The following ANKRD30BL variants were observed in gnomAD, a reference collection of about 807,000 sequenced individuals.
ANKRD30BL encodes putative ankyrin repeat domain-containing protein 30B-like.
Under a neutral mutation model 18.4 loss-of-function variants are expected in ANKRD30BL, and 20 were observed. That is an observed-to-expected ratio of 1.09 (90% confidence interval 0.77 to 1.58). The LOEUF (loss-of-function observed/expected upper bound fraction) is 1.58. Among genes scored for constraint, ANKRD30BL ranks in the 40% most tolerant of loss-of-function variants. The pLI, the probability that ANKRD30BL is intolerant of heterozygous loss-of-function variation, is 0.00. For missense variants in ANKRD30BL, 224 were observed against 268.6 expected (o/e 0.83, Z 1.16); for synonymous variants, 72 against 100.9 (o/e 0.71, Z 1.72).
chr2:132,229,267 C>A (rs1463122666), intron 1 of ANKRD30BL, among the ~76,000 whole-genome samples: 1 of 151,560 alleles, frequency 6.6e-6, no homozygotes, highest in Non-Finnish European at 1.5e-5. Flanking sequence ...GTCTACCGTA[C>A]AAAAGGAAAT....
At chr2:132,196,100 C>T (rs1224053572) in intron 1 of ANKRD30BL, among the ~76,000 whole-genome samples, 1 of 150,242 alleles carries the variant, frequency 6.7e-6, no homozygotes, top group African/African-American at 2.5e-5. Flanking sequence ...TGAGATCGCG[C>T]CACTGCACGC....
rs1208416661 is a variant in ANKRD30BL at position 132,184,769 on chromosome 2, C to CCAGTGAGAA, written n.442-27632_442-27624dup. Among the ~76,000 whole-genome samples, 4 of 151,866 alleles carry CCAGTGAGAA rather than the reference C, an allele frequency of 2.6e-5. No homozygotes were observed. The South Asian group carries it at 8.3e-4, about 32-fold the overall frequency. Reference sequence around the variant, plus strand: ...AAAATTCAGGGATTCCCCCCTAATCCCAGTGAGAATAATGTCTTAAATAAA... The same window carrying CCAGTGAGAA: ...AAAATTCAGGGATTCCCCCCTAATCCCAGTGAGAACAGTGAGAATAATGTCTTAAATAAA... On this transcript the variant is annotated intron_variant and non_coding_transcript_variant, in intron 1 of 4. Coordinates refer to the ANKRD30BL transcript ENST00000470729.
At chr2:132,183,383 C>A (rs1483782998) in intron 1 of ANKRD30BL, among the ~76,000 whole-genome samples, 1 of 152,078 alleles carries the variant, frequency 6.6e-6, no homozygotes, top group African/African-American at 2.4e-5. Context: ...CCCGCTTTGG[C>A]CTCCCAAAGT....
chr2:132,158,927 G>A (rs1453208822), intron 1 of ANKRD30BL, among the ~76,000 whole-genome samples: 3 of 151,696 alleles, frequency 2.0e-5, no homozygotes, highest in East Asian at 1.9e-4. Flanking sequence ...ATTAAATTAC[G>A]GAAAGTGAGA....
At chr2:132,228,479 T>G (rs1434327915) in intron 1 of ANKRD30BL, among the ~76,000 whole-genome samples, 2 of 151,988 alleles carry the variant, frequency 1.3e-5, no homozygotes, top group African/African-American at 4.8e-5. Context: ...TTGTGATGTG[T>G]GCATTCATCT....
chr2:132,171,031 C>T (rs1484986934), intron 1 of ANKRD30BL, among the ~76,000 whole-genome samples: 1 of 151,930 alleles, frequency 6.6e-6, no homozygotes, highest in Non-Finnish European at 1.5e-5. Context: ...TGGCGGGCGC[C>T]TGTAGTCCCA....
At chr2:132,198,792 A>G (rs1296620895) in intron 1 of ANKRD30BL, among the ~76,000 whole-genome samples, 2 of 151,630 alleles carry the variant, frequency 1.3e-5, no homozygotes, top group African/African-American at 2.4e-5. Context: ...TAATTTTTGC[A>G]TTTTTAGTAG....
At chr2:132,256,323 G>A (rs193050830) in intron 1 of ANKRD30BL, among the ~76,000 whole-genome samples, 1 of 144,298 alleles carries the variant, frequency 6.9e-6, no homozygotes, top group Non-Finnish European at 1.5e-5. Context: ...GAGGGGGGTG[G>A]TGGGGCGGCG....
intron 1 of ANKRD30BL, among the ~76,000 whole-genome samples, chr2:132,242,920 C>G (rs1156945278): frequency 2.0e-5 from 3 of 151,636 alleles, no homozygotes; most frequent in Middle Eastern, 3.2e-3. Flanking sequence ...TCAGAAACTA[C>G]TTTGTGATGT....
At chr2:132,257,262 T>G (rs1680882044) in intron 1 of ANKRD30BL, among the ~76,000 whole-genome samples, 1 of 152,202 alleles carries the variant, frequency 6.6e-6, no homozygotes, top group South Asian at 2.1e-4. Flanking sequence ...CCCAACCCCG[T>G]GCCACGCAAA....
chr2:132,148,633 G>T (rs1323540420), intron 5 of ANKRD30BL, among the ~76,000 whole-genome samples: 1 of 150,048 alleles, frequency 6.7e-6, no homozygotes, highest in Non-Finnish European at 1.5e-5. Flanking sequence ...GCCTTCCAAA[G>T]TGCTAGGATT....
At chr2:132,257,385 C>A (rs1189444995) in intron 1 of ANKRD30BL, 2 of 333,542 alleles carry the variant, frequency 6.0e-6, no homozygotes, top group Non-Finnish European at 1.1e-5. Context: ...GCTCACGCAG[C>A]CTCCCAACCG....
intron 1 of ANKRD30BL, among the ~76,000 whole-genome samples, chr2:132,200,864 T>C (rs1355691157): frequency 1.3e-5 from 2 of 152,188 alleles, no homozygotes; most frequent in South Asian, 2.1e-4. Context: ...AGAACAAAGC[T>C]GGAGGCATCA....
intron 1 of ANKRD30BL, among the ~76,000 whole-genome samples, chr2:132,231,794 G>C (rs1449853854): frequency 2.0e-5 from 3 of 152,226 alleles, no homozygotes; most frequent in South Asian, 4.1e-4. Flanking sequence ...GCTTGCTTAG[G>C]TAAACAAAGC....
chr2:132,204,024 CA>C (rs1176533516), intron 1 of ANKRD30BL, among the ~76,000 whole-genome samples: 4 of 152,116 alleles, frequency 2.6e-5, no homozygotes, highest in African/African-American at 9.7e-5. Context: ...TGGTTGTATA[CA>C]GTAAGAATTA....
upstream of ANKRD30BL, among the ~76,000 whole-genome samples, chr2:132,163,328 G>A (rs1374505404): frequency 6.6e-6 from 1 of 152,034 alleles, no homozygotes; most frequent in Non-Finnish European, 1.5e-5. Context: ...GTGCATGCCT[G>A]TGGCCCCAGC....
chr2:132,188,536 C>T (rs1312744773), intron 1 of ANKRD30BL, among the ~76,000 whole-genome samples: 1 of 152,156 alleles, frequency 6.6e-6, no homozygotes, highest in Non-Finnish European at 1.5e-5. Flanking sequence ...GGGTGAAACC[C>T]TGTCTCCACT....
chr2:132,220,977 C>T (rs1679659117), intron 1 of ANKRD30BL, among the ~76,000 whole-genome samples: 1 of 151,646 alleles, frequency 6.6e-6, no homozygotes, highest in East Asian at 2.0e-4. Flanking sequence ...GCCCGGCCGC[C>T]CATCGTCTGA....
intron 1 of ANKRD30BL, among the ~76,000 whole-genome samples, chr2:132,248,288 T>C (rs1680554932): frequency 6.6e-6 from 1 of 151,904 alleles, no homozygotes; most frequent in Non-Finnish European, 1.5e-5. Context: ...TTTTTCACCA[T>C]AGGCCTCAAA....
Sources: gnomAD v4.1 joint callset for allele counts (sites outside exome capture counted in the v4.1 genomes callset) on GRCh38, gnomAD v4.1.1 for gene constraint, MANE v1.5 for transcripts, NCBI Gene and HGNC (gene_info 2026-07-23, HGNC 2026-07-21) for gene names.